The following PTPN3 variants were observed in gnomAD, a reference collection of about 807,000 sequenced individuals.
The protein encoded by PTPN3 is tyrosine-protein phosphatase non-receptor type 3.
In PTPN3, 96 loss-of-function variants were observed where a neutral mutation model predicts 132.7. The observed-to-expected ratio is 0.72, with a 90% CI of 0.61 to 0.86. The LOEUF is 0.86. Among genes scored for constraint, PTPN3 ranks in the 40% least tolerant of loss-of-function variants. PTPN3 has a pLI of 0.00. For synonymous variants in PTPN3, 398 were observed against 429.0 expected, an observed-to-expected ratio of 0.93 and a Z score of 0.89; for missense variants, 1,125 against 1,159.6, an observed-to-expected ratio of 0.97 and a Z score of 0.43.
At chr9:109,472,970 G>A (rs1026415027) in intron 1 of PTPN3, among the ~76,000 whole-genome samples, 2 of 152,136 alleles carry the variant, frequency 1.3e-5, no homozygotes, top group South Asian at 2.1e-4. Flanking sequence ...AAAGCATAAA[G>A]TCTGCTAATG....
At chr9:109,511,839 T>G in the PTPN3 span, among the ~76,000 whole-genome samples, 1 of 152,232 alleles carries the variant, frequency 6.6e-6, no homozygotes, top group Non-Finnish European at 1.5e-5. Context: ...GTTCTCAAAC[T>G]CCAGCATTCA....
At chr9:109,409,581 C>G (rs1400667381) in intron 16 of PTPN3, among the ~76,000 whole-genome samples, 4 of 152,094 alleles carry the variant, frequency 2.6e-5, no homozygotes, top group Admixed American at 2.0e-4. Flanking sequence ...AATCCCGGCA[C>G]TTTGGGAGGC....
chr9:109,443,223 C>T (rs1285172123), intron 7 of PTPN3, among the ~76,000 whole-genome samples: 2 of 151,770 alleles, frequency 1.3e-5, no homozygotes, highest in Non-Finnish European at 2.9e-5. Context: ...CTACAGGCAC[C>T]GCACCACCAC....
At chr9:109,463,052 A>G (rs1845925758) in intron 2 of PTPN3, among the ~76,000 whole-genome samples, 1 of 151,050 alleles carries the variant, frequency 6.6e-6, no homozygotes. Flanking sequence ...ACTTCCCAGA[A>G]GCACCAACAT....
chr9:109,510,510 A>G, the PTPN3 span, among the ~76,000 whole-genome samples: 2 of 146,902 alleles, frequency 1.4e-5, no homozygotes, highest in African/African-American at 5.0e-5. Context: ...TTGAGCCGAG[A>G]TTGCGCCATT....
intron 24 of PTPN3, 95 bp from the exon 25 acceptor site, chr9:109,381,882 C>T (rs1472791611): frequency 6.9e-7 from 1 of 1,446,834 alleles, no homozygotes; most frequent in Non-Finnish European, 9.6e-7. Flanking sequence ...AAGGGGCTTT[C>T]CTCCCTTGGC....
At chr9:109,401,148 A>G (rs1841056633) in intron 19 of PTPN3, among the ~76,000 whole-genome samples, 1 of 152,260 alleles carries the variant, frequency 6.6e-6, no homozygotes, top group Admixed American at 6.5e-5. Context: ...AAACGTGTAC[A>G]TGCTAAAACG....
At chr9:109,432,960 C>T in intron 10 of PTPN3, 113 bp downstream of exon 10, 1 of 1,451,998 alleles carries the variant, frequency 6.9e-7, no homozygotes, top group South Asian at 1.5e-5. Flanking sequence ...ACTCGGGAGG[C>T]ACTCTCTATC....
chr9:109,529,973 T>C, the PTPN3 span, among the ~76,000 whole-genome samples: 1 of 152,180 alleles, frequency 6.6e-6, no homozygotes, highest in Non-Finnish European at 1.5e-5. Context: ...GGTCTTGAAC[T>C]CCTGGCCTCA....
chr9:109,438,051 G>T lies in PTPN3; in HGVS notation c.587+63C>A. 3.3e-6 allele frequency: 5 copies of T among 1,520,308 alleles called. No individual in the cohort carries two copies. In the South Asian group the frequency reaches 6.4e-5, roughly 19 times the overall value. The allele number at this position is 1,520,308 out of a possible 1,614,324, so 94.2% of individuals were successfully genotyped here. A position where few individuals can be genotyped will look rare whatever the true frequency, so the allele number is the denominator to read the frequency against. ...GAAAGAGGCTGCATCAAACACAAAG[G>T]GATATGATGTCTGAAAATACCCAAC... On this transcript the variant is annotated intron_variant, in intron 8 of 25. Transcript: ENST00000374541.
At chr9:109,468,312 A>G (rs1272177700) in intron 1 of PTPN3, among the ~76,000 whole-genome samples, 1 of 152,168 alleles carries the variant, frequency 6.6e-6, no homozygotes, top group Non-Finnish European at 1.5e-5. Flanking sequence ...TAGCTTTAGA[A>G]TGTTTTAAAC....
intron 19 of PTPN3, among the ~76,000 whole-genome samples, chr9:109,399,094 A>G (rs1840838235): frequency 6.6e-6 from 1 of 152,182 alleles, no homozygotes; most frequent in Admixed American, 6.5e-5. Flanking sequence ...GGGAATGGCT[A>G]ATGTTGGAGG....
At chr9:109,474,600 G>A (rs990363030) in intron 1 of PTPN3, among the ~76,000 whole-genome samples, 8 of 152,084 alleles carry the variant, frequency 5.3e-5, no homozygotes, top group African/African-American at 1.9e-4. Flanking sequence ...TCCAGACACT[G>A]CAAAACCCAT....
chr9:109,389,198 C>G, intron 22 of PTPN3, 35 bp downstream of exon 22: 1 of 1,610,660 alleles, frequency 6.2e-7, no homozygotes, highest in Non-Finnish European at 8.5e-7. Flanking sequence ...GGGTGTGACA[C>G]TGCACACATC....
At chr9:109,496,251 T>A (rs1441108652) in intron 1 of PTPN3, among the ~76,000 whole-genome samples, 2 of 152,246 alleles carry the variant, frequency 1.3e-5, no homozygotes. Context: ...AACTAGAATA[T>A]TTAACTAGAA....
At chr9:109,485,144 G>A (rs1003687406) in intron 1 of PTPN3, among the ~76,000 whole-genome samples, 6 of 152,208 alleles carry the variant, frequency 3.9e-5, no homozygotes, top group Non-Finnish European at 7.4e-5. Context: ...TGGGCAGATC[G>A]CTTGAACCTG....
At chr9:109,387,548 G>A (rs2131612998) in intron 22 of PTPN3, among the ~76,000 whole-genome samples, 1 of 152,258 alleles carries the variant, frequency 6.6e-6, no homozygotes, top group South Asian at 2.1e-4. Flanking sequence ...ACCCACTACT[G>A]GATGAGGCAG....
chr9:109,401,352 A>G (rs1484075381), intron 19 of PTPN3, among the ~76,000 whole-genome samples: 2 of 152,174 alleles, frequency 1.3e-5, no homozygotes, highest in African/African-American at 4.8e-5. Context: ...GGTGCTGCCA[A>G]TCCAGTAGCT....
At chr9:109,483,806 T>C (rs942471862) in intron 1 of PTPN3, among the ~76,000 whole-genome samples, 1 of 152,038 alleles carries the variant, frequency 6.6e-6, no homozygotes, top group African/African-American at 2.4e-5. Context: ...GAAAGCTGGG[T>C]ATACGTTAAG....
Sources: gnomAD v4.1 joint callset for allele counts (sites outside exome capture counted in the v4.1 genomes callset) on GRCh38, gnomAD v4.1.1 for gene constraint, MANE v1.5 for transcripts, NCBI Gene and HGNC (gene_info 2026-07-23, HGNC 2026-07-21) for gene names.